The following STX4 variants were observed in gnomAD, a reference collection of about 807,000 sequenced individuals.
The protein encoded by STX4 is syntaxin 4, also known as syntaxin-4.
A neutral mutation model predicts 41.8 loss-of-function variants in STX4; 24 were observed. The ratio of observed to expected loss-of-function variants is 0.57; its 90% confidence interval spans 0.42 to 0.81. The LOEUF is 0.81. Among genes scored for constraint, STX4 ranks in the 30% least tolerant of loss-of-function variants. STX4 has a pLI of 0.00. For synonymous variants in STX4, 158 were observed against 156.4 expected (o/e 1.01, Z -0.08); for missense variants, 316 against 389.9 (o/e 0.81, Z 1.60).
chr16:31,033,888 G>C lies in STX4; in HGVS notation c.30+53G>C, dbSNP rs2056775960. ...GACGGGCGGACGAACTGGAACGCAG[G>C]ACTTCTGGTCTTCGGGATAGGGAGG... On this transcript the variant is annotated intron_variant, in intron 1 of 10. Coordinates refer to ENST00000313843, the MANE Select transcript of STX4 (RefSeq NM_004604.5). This position sits in a 1 kb window ranked among gnomAD's most constrained non-coding sequence, Gnocchi z 5.5. The C allele has an allele frequency of 1.1e-5, 16 of 1,454,044 alleles. No homozygotes were observed. Among genetic ancestry groups the C allele is most frequent in the Non-Finnish European group, 1.5e-5 (16 of 1,100,304 alleles). The allele number at this position is 1,454,044 out of a possible 1,614,324, so 90.1% of individuals were successfully genotyped here.
chr16:31,034,926 C>A, intron 4 of STX4, 44 bp from the exon 5 acceptor site: 1 of 1,469,812 alleles, frequency 6.8e-7, no homozygotes, highest in Non-Finnish European at 9.2e-7. Flanking sequence ...CCCTAAAAAT[C>A]CTATGGAGAC....
chr16:31,035,176 T>C (rs1311739286), intron 5 of STX4, 136 bp downstream of exon 5: 1 of 636,246 alleles, frequency 1.6e-6, no homozygotes, highest in Non-Finnish European at 2.5e-6. Context: ...GAAACTGAGC[T>C]CAGAGAGAGA....
intron 5 of STX4, chr16:31,035,694 C>T (rs966293019): frequency 6.6e-5 from 10 of 152,124 alleles, no homozygotes; most frequent in Non-Finnish European, 1.2e-4. Context: ...TCCTTAGTCC[C>T]ACAGGTGGAA....
chr16:31,038,535 G>A lies in STX4; in HGVS notation c.590G>A (p.Arg197Gln), dbSNP rs775974182. 1 of 1,614,022 alleles carries A rather than the reference G, an allele frequency of 6.2e-7. No individual in the cohort carries two copies. Among genetic ancestry groups the A allele is most frequent in the South Asian group, 1.1e-5 (1 of 91,066 alleles). The change falls in exon 8 of 11, where the codon CGA (arginine) becomes CAA (glutamine). Residue 197 changes from arginine to glutamine, a missense_variant. Coordinates refer to ENST00000313843, the MANE Select transcript of STX4 (RefSeq NM_004604.5). The stretch of plus-strand genomic sequence containing the variant: ...ATCCTGAAGGACACGCAGGTGACTC[G>A]ACAGGCCTTAAATGAGATCTCGGCC... ...SNILKDTQVT[R>Q]QALNEISARH...
intron 7 of STX4, 40 bp from the exon 8 acceptor site, chr16:31,038,470 C>T: frequency 6.2e-7 from 1 of 1,607,816 alleles, no homozygotes; most frequent in Non-Finnish European, 8.5e-7. Flanking sequence ...TGCTGTCGGT[C>T]TCCCTGTGAA....
intron 2 of STX4, 52 bp downstream of exon 2, chr16:31,034,166 G>A: frequency 1.2e-6 from 2 of 1,612,878 alleles, no homozygotes; most frequent in Non-Finnish European, 1.7e-6. Context: ...GAGGACCCGA[G>A]GAGTAGCGTG....
chr16:31,033,510 G>T (rs1164140966), upstream of STX4: 2 of 1,550,602 alleles, frequency 1.3e-6, no homozygotes, highest in South Asian at 1.2e-5. The surrounding 1 kb of genome is among the most constrained non-coding windows in gnomAD (Gnocchi z 5.5). Context: ...GGGCAAGGAA[G>T]AGACGCGACC....
Position 31,034,009 on chromosome 16 carries a change from G to A in STX4, c.31-4G>A, listed in dbSNP as rs748225659. The A allele has an allele frequency of 3.1e-6, 5 of 1,587,974 alleles. No homozygotes were observed. Among genetic ancestry groups the A allele is most frequent in the Non-Finnish European group, 4.3e-6 (5 of 1,164,160 alleles). ...GGTGGTGCCAATGACTCCGGGCCTGGCAGGGGGATGACAGCTCGGACGAAG... is the reference window on the plus strand; with the variant it reads ...GGTGGTGCCAATGACTCCGGGCCTGACAGGGGGATGACAGCTCGGACGAAG... On this transcript the variant is annotated splice_region_variant and splice_polypyrimidine_tract_variant and intron_variant, in intron 1 of 10. Transcript: ENST00000313843.
upstream of STX4, chr16:31,033,500 G>A (rs530942169): frequency 1.7e-5 from 27 of 1,550,596 alleles, no homozygotes; most frequent in African/African-American, 3.7e-4. The surrounding 1 kb of genome is among the most constrained non-coding windows in gnomAD (Gnocchi z 5.5). Flanking sequence ...TCCCAGCCTC[G>A]GGCAAGGAAG....
At chr16:31,034,144 G>T (rs761106514) in intron 2 of STX4, 30 bp downstream of exon 2, 6 of 1,608,270 alleles carry the variant, frequency 3.7e-6, no homozygotes, top group South Asian at 3.3e-5. Flanking sequence ...GCCTGGATTC[G>T]CGAGGGTGTA....
Position 31,034,247 on chromosome 16 carries a change from A to T in STX4, c.154A>T (p.Ile52Phe), listed in dbSNP as rs777119919. The part of the protein sequence containing the change: ...FHKVRTIRQT[I>F]VKLGNKVQEL... ...CCAGGTCCGGACAATTCGGCAGACT[A>T]TTGTCAAACTGGGGAATAAAGTCCA... Residue 52 changes from isoleucine (I) to phenylalanine (F), a missense_variant, in exon 3 of 11, where the codon ATT becomes TTT. Coordinates refer to ENST00000313843, the MANE Select transcript of STX4 (RefSeq NM_004604.5). The T allele has an allele frequency of 6.2e-7, 1 of 1,614,088 alleles. No homozygotes were observed.
rs1393700412 is a variant in STX4 at position 31,038,617 on chromosome 16, C to T, written c.672C>T (p.Phe224=). The part of the protein sequence containing the change: ...ERSIRELHDI[F]TFLATEVEMQ... ...GTATTCGTGAGCTGCACGACATATT[C>T]ACTTTTCTGGCTACCGAAGTGGAGA... The change falls in exon 8 of 11, where the codon TTC becomes TTT. Residue 224 remains phenylalanine, a synonymous_variant. Transcript: ENST00000313843. 3 of 1,613,990 alleles carry T rather than the reference C, an allele frequency of 1.9e-6. No homozygotes were observed. Among genetic ancestry groups the T allele is most frequent in the Non-Finnish European group, 2.5e-6 (3 of 1,180,028 alleles).
chr16:31,039,657 C>A lies in STX4; in HGVS notation c.813+6C>A. ...ACCAGAAGAAGGCGAGGAAGGTGAG[C>A]CTCCCAGGCCCGGCCACTGCCCCAG... On this transcript the variant is annotated splice_donor_region_variant and intron_variant, in intron 9 of 10. Transcript: ENST00000313843. This position sits in a 1 kb window ranked among gnomAD's most constrained non-coding sequence, Gnocchi z 4.1. The A allele has an allele frequency of 8.7e-6, 14 of 1,614,174 alleles. No homozygotes were observed. Among genetic ancestry groups the A allele is most frequent in the Non-Finnish European group, 1.2e-5 (14 of 1,180,018 alleles).
chr16:31,038,418 C>T, intron 7 of STX4, 92 bp from the exon 8 acceptor site: 1 of 1,558,112 alleles, frequency 6.4e-7, no homozygotes, highest in Non-Finnish European at 8.8e-7. Context: ...CATCAGATTC[C>T]AGGCTGAGGG....
At chr16:31,037,713 A>ATAAG (rs1555496715) in intron 5 of STX4, among the ~76,000 whole-genome samples, 8 of 150,936 alleles carry the variant, frequency 5.3e-5, no homozygotes, top group Non-Finnish European at 1.2e-4. Context: ...AAATAAATAA[A>ATAAG]AAAGATCATG....
rs1360730651 is a variant in STX4 at position 31,034,973 on chromosome 16, T to C, written c.311T>C (p.Ile104Thr). The change falls in exon 5 of 11, where the codon ATA (isoleucine) becomes ACA (threonine). Residue 104 changes from isoleucine (I) to threonine (T), a missense_variant. Ile to Thr is a moderately conservative substitution (Grantham distance 89). Coordinates refer to ENST00000313843, the MANE Select transcript of STX4 (RefSeq NM_004604.5). ...GREIRLQLKA[I>T]EPQKEEADEN... ...ATACCCCTGTGTCTTCCCACAGCCA[T>C]AGAGCCCCAGAAGGAGGAAGCTGAT... 2 of 1,605,940 alleles carry C rather than the reference T, an allele frequency of 1.2e-6. No individual in the cohort carries two copies. Among genetic ancestry groups the C allele is most frequent in the African/African-American group, 2.7e-5 (2 of 74,352 alleles).
chr16:31,038,028 A>G lies in STX4; in HGVS notation c.481A>G (p.Lys161Glu). 6.2e-7 allele frequency: 1 copy of G among 1,614,192 alleles called. No homozygotes were observed. Among genetic ancestry groups the G allele is most frequent in the Admixed American group, 1.7e-5 (1 of 60,022 alleles). Residue 161 changes from lysine to glutamate, a missense_variant, in exon 6 of 11, where the codon AAG becomes GAG. Transcript: ENST00000313843. Reference sequence around the variant, plus strand: ...CGTGGAGCGGATTCGGAGGCAGCTGAAGATCAGTGAGTTGTGCATGCCCAG... The same window carrying G: ...CGTGGAGCGGATTCGGAGGCAGCTGGAGATCAGTGAGTTGTGCATGCCCAG... ...KNVERIRRQL[K>E]ITNAGMVSDE...
Position 31,039,505 on chromosome 16 carries a change from TC to T in STX4, c.703-34del. On this transcript the variant is annotated intron_variant, in intron 8 of 10. Coordinates refer to ENST00000313843, the MANE Select transcript of STX4 (RefSeq NM_004604.5). The surrounding 1 kb of genome is among the most constrained non-coding windows in gnomAD (Gnocchi z 4.1). ...ATCTGGGGTGGGGTGGGCAAAGGCATCCTTACCTCCCTGAACCACCCCATCC... is the reference window on the plus strand; with the variant it reads ...ATCTGGGGTGGGGTGGGCAAAGGCATCTTACCTCCCTGAACCACCCCATCC... 1 of 1,602,758 alleles carries T rather than the reference TC, an allele frequency of 6.2e-7. No individual in the cohort carries two copies. Among genetic ancestry groups the T allele is most frequent in the Non-Finnish European group, 8.5e-7 (1 of 1,171,386 alleles).
At position 31,040,053 on chromosome 16, in the gene STX4, C is replaced by G. The variant is rs2056832202; in HGVS notation, c.*157C>G. The G allele has an allele frequency of 3.5e-6, 2 of 567,666 alleles. No homozygotes were observed. Among genetic ancestry groups the G allele is most frequent in the South Asian group, 4.1e-5 (2 of 48,788 alleles). The allele number at this position is 567,666 out of a possible 1,614,324, so 35.2% of individuals were successfully genotyped here. On this transcript the variant is annotated 3_prime_UTR_variant, in exon 11 of 11. Coordinates refer to ENST00000313843, the MANE Select transcript of STX4 (RefSeq NM_004604.5). ...AGTTCTTCTGGGGTTGGCAGCTGCT[C>G]ATTCATGATGGCCTCCTCCTTCAGG...
Sources: gnomAD v4.1 joint callset for allele counts (sites outside exome capture counted in the v4.1 genomes callset) on GRCh38, gnomAD v4.1.1 for gene constraint, Gnocchi (gnomAD v3.1) non-coding constraint, MANE v1.5 for transcripts, NCBI Gene and HGNC (gene_info 2026-07-23, HGNC 2026-07-21) for gene names.